The following MICU1 variants were observed in gnomAD, a reference collection of about 807,000 sequenced individuals.
MICU1 encodes the protein mitochondrial calcium uptake 1.
In MICU1, 45 loss-of-function variants were observed where a neutral mutation model predicts 56.8. The ratio of observed to expected loss-of-function variants is 0.79; its 90% CI spans 0.62 to 1.02. The LOEUF is 1.02. Among genes scored for constraint, MICU1 ranks in the 50% least tolerant of loss-of-function variants. The probability of loss-of-function intolerance (pLI) is 0.00; values close to 1 mark genes in which losing one functional copy is unlikely to be tolerated. For missense variants in MICU1, 504 were observed against 587.1 expected (o/e 0.86, Z 1.46); for synonymous variants, 186 against 195.1 (o/e 0.95, Z 0.39).
intron 4 of MICU1, among the ~76,000 whole-genome samples, chr10:72,540,208 A>G (rs1839736094): frequency 6.7e-6 from 1 of 149,590 alleles, no homozygotes; most frequent in Admixed American, 6.7e-5. Context: ...TGGAGGTTGC[A>G]GTGAGCCGAG....
At chr10:72,625,120 G>T (rs564497363) in intron 1 of MICU1, among the ~76,000 whole-genome samples, 2 of 152,062 alleles carry the variant, frequency 1.3e-5, no homozygotes, top group Admixed American at 6.5e-5. Context: ...TATAAACAAA[G>T]GCATATCAAA....
intron 10 of MICU1, among the ~76,000 whole-genome samples, chr10:72,382,331 C>T (rs985760322): frequency 1.7e-4 from 25 of 150,632 alleles, no homozygotes; most frequent in African/African-American, 5.9e-4. Context: ...AGGCTGGTCT[C>T]GAACTCCTGA....
chr10:72,439,760 G>C (rs529993841), intron 8 of MICU1, among the ~76,000 whole-genome samples: 1 of 151,280 alleles, frequency 6.6e-6, no homozygotes, highest in Non-Finnish European at 1.5e-5. Context: ...ACCAATAACA[G>C]ACAGAGAGCC....
At chr10:72,600,337 C>A (rs1012963581) in intron 1 of MICU1, among the ~76,000 whole-genome samples, 1 of 146,022 alleles carries the variant, frequency 6.8e-6, no homozygotes, top group African/African-American at 2.5e-5. Context: ...AGTCTTCTTT[C>A]TGTGGAATTG....
chr10:72,533,299 G>A (rs1839541442), intron 5 of MICU1: 1 of 409,298 alleles, frequency 2.4e-6, no homozygotes, highest in Non-Finnish European at 4.1e-6. Flanking sequence ...AAACTTATAG[G>A]CAAATCTGGA....
chr10:72,518,409 C>T (rs1203394672), intron 5 of MICU1, among the ~76,000 whole-genome samples: 9 of 151,644 alleles, frequency 5.9e-5, no homozygotes, highest in Admixed American at 5.9e-4. Flanking sequence ...GAAAGTATAA[C>T]CTAAGGATTT....
intron 5 of MICU1, chr10:72,532,769 T>C: frequency 1.3e-6 from 1 of 760,908 alleles, no homozygotes; most frequent in Non-Finnish European, 1.6e-6. Flanking sequence ...TGTGCCACCT[T>C]AATAGGAAAG....
At chr10:72,562,096 C>T (rs954801196) in intron 3 of MICU1, among the ~76,000 whole-genome samples, 11 of 150,600 alleles carry the variant, frequency 7.3e-5, no homozygotes, top group African/African-American at 2.7e-4. Flanking sequence ...GGAACTGAAA[C>T]TTCGCTGAGG....
At chr10:72,410,231 C>T (rs1863765170) in intron 9 of MICU1, among the ~76,000 whole-genome samples, 1 of 152,112 alleles carries the variant, frequency 6.6e-6, no homozygotes, top group African/African-American at 2.4e-5. Context: ...TGTGAATATA[C>T]CACAATTTGT....
At position 72,428,277 on chromosome 10, in the gene MICU1, A is replaced by G. The variant is rs1412896076; in HGVS notation, c.934-4906T>C. On this transcript the variant is annotated intron_variant, in intron 8 of 11. Transcript: ENST00000361114. ...ATAAGATTATAGATTACCAAACTCA[A>G]CTGCTAGAGCTTTCTACTTCCAATC... Among the ~76,000 whole-genome samples the G allele has an allele frequency of 2.0e-5, 3 of 152,352 alleles. No homozygotes were observed. In the East Asian group the frequency reaches 5.8e-4, roughly 29 times the overall value.
intron 6 of MICU1, among the ~76,000 whole-genome samples, chr10:72,501,126 AT>A (rs1227532756): frequency 6.6e-6 from 1 of 152,142 alleles, no homozygotes; most frequent in Non-Finnish European, 1.5e-5. Context: ...TATCTAGTAA[AT>A]ACTTAATATT....
At chr10:72,455,350 CAAAAAAAA>C (rs56378605) in intron 8 of MICU1, among the ~76,000 whole-genome samples, 9 of 44,210 alleles carry the variant, frequency 2.0e-4, no homozygotes, top group African/African-American at 5.4e-4. Context: ...GACTCTGTCT[CAAAAAAAA>C]AAAAAAAAAA....
chr10:72,459,780 G>A (rs2132234006), intron 8 of MICU1, among the ~76,000 whole-genome samples: 1 of 152,270 alleles, frequency 6.6e-6, no homozygotes, highest in Non-Finnish European at 1.5e-5. Context: ...TGCCTGTAGA[G>A]AAAGCTATTG....
intron 1 of MICU1, among the ~76,000 whole-genome samples, chr10:72,569,233 A>ATTT (rs1231227018): frequency 5.0e-4 from 20 of 40,322 alleles, no homozygotes; most frequent in South Asian, 2.1e-3. Flanking sequence ...ATATATATAT[A>ATTT]TATATTTTTT....
At chr10:72,385,753 C>T (rs1238077918) in intron 10 of MICU1, among the ~76,000 whole-genome samples, 4 of 152,158 alleles carry the variant, frequency 2.6e-5, no homozygotes, top group African/African-American at 7.2e-5. Context: ...CCTGTGACTA[C>T]GATAATCCTG....
intron 8 of MICU1, among the ~76,000 whole-genome samples, chr10:72,454,961 T>C (rs1238690710): frequency 2.0e-5 from 3 of 152,136 alleles, no homozygotes; most frequent in Non-Finnish European, 4.4e-5. Context: ...TTACTTTGGT[T>C]AGTATCACAG....
intron 3 of MICU1, 117 bp from the exon 4 acceptor site, chr10:72,551,458 T>C (rs537307285): frequency 2.2e-5 from 15 of 687,306 alleles, no homozygotes; most frequent in Admixed American, 8.5e-5. Flanking sequence ...TGGGAAGAAA[T>C]TCTATCATTT....
At chr10:72,370,768 C>T (rs138221836) in intron 11 of MICU1, among the ~76,000 whole-genome samples, 47 of 152,308 alleles carry the variant, frequency 3.1e-4, no homozygotes, top group South Asian at 4.1e-4. Context: ...CAGTGAGTCA[C>T]GCTTGTAATC....
At chr10:72,561,631 G>C (rs766434760) in intron 3 of MICU1, among the ~76,000 whole-genome samples, 15 of 152,194 alleles carry the variant, frequency 9.9e-5, no homozygotes, top group Non-Finnish European at 2.1e-4. Flanking sequence ...AGCCAACATG[G>C]TGAAACTCCA....
Sources: gnomAD v4.1 joint callset for allele counts (sites outside exome capture counted in the v4.1 genomes callset) on GRCh38, gnomAD v4.1.1 for gene constraint, MANE v1.5 for transcripts, NCBI Gene and HGNC (gene_info 2026-07-23, HGNC 2026-07-21) for gene names.